ZNF610: variants seen among roughly 807,000 people sequenced by gnomAD.
ZNF610 encodes zink finger protein.
Under a neutral mutation model 14.1 loss-of-function variants are expected in ZNF610, and 14 were observed. The observed-to-expected ratio is 0.99, with a 90% CI of 0.65 to 1.55. The LOEUF is 1.55. Among genes scored for constraint, ZNF610 ranks in the 40% most tolerant of loss-of-function variants. ZNF610 has a pLI of 0.00. For synonymous variants in ZNF610, 185 were observed against 187.6 expected (o/e 0.99, Z 0.11); for missense variants, 530 against 558.0 (o/e 0.95, Z 0.51).
chr19:52,346,364 C>T lies in ZNF610; in HGVS notation c.-257-1343C>T, dbSNP rs1175590679. Among the ~76,000 whole-genome samples, 4 of 146,892 alleles carry T rather than the reference C, an allele frequency of 2.7e-5. No homozygotes were observed. In the East Asian group the frequency reaches 5.8e-4, roughly 21 times the overall value. On this transcript the variant is annotated intron_variant, in intron 1 of 5. Coordinates refer to ENST00000403906, the MANE Select transcript of ZNF610 (RefSeq NM_001161425.2). ...ATTTTTAGTAGAGACGGGGTTTCAC[C>T]ATGTTGGTCAGTCTGGTGTCGAACT...
chr19:52,360,930 T>C (rs553416997), intron 5 of ZNF610, among the ~76,000 whole-genome samples: 1 of 152,220 alleles, frequency 6.6e-6, no homozygotes, highest in Admixed American at 6.5e-5. Context: ...AGAGAGGGAG[T>C]GTTTTGTCCA....
chr19:52,362,343 G>A (rs1401767194), intron 5 of ZNF610, among the ~76,000 whole-genome samples: 7 of 152,204 alleles, frequency 4.6e-5, no homozygotes, highest in Non-Finnish European at 8.8e-5. Flanking sequence ...CCTGGGAGGC[G>A]GAGGTTGCAG....
At chr19:52,339,747 C>T (rs1049230457) in intron 1 of ZNF610, among the ~76,000 whole-genome samples, 8 of 152,162 alleles carry the variant, frequency 5.3e-5, no homozygotes, top group African/African-American at 1.7e-4. Flanking sequence ...ACAACCATTG[C>T]CTCCTGGGTT....
In ZNF610 at chr19:52,337,308, C is replaced by T. The variant is rs141718206; in HGVS notation, c.-258+802C>T. On this transcript the variant is annotated intron_variant, in intron 1 of 5. Coordinates refer to ENST00000403906, the MANE Select transcript of ZNF610 (RefSeq NM_001161425.2). Reference sequence around the variant, plus strand: ...CCACAGCATGGGGAGGCCTGGGATCCGGGGGGGCCAGAGAGTGGGGACAAG... The same window carrying T: ...CCACAGCATGGGGAGGCCTGGGATCTGGGGGGGCCAGAGAGTGGGGACAAG... Among the ~76,000 whole-genome samples, 8 of 149,438 alleles carry T rather than the reference C, an allele frequency of 5.4e-5. No individual in the cohort carries two copies. The East Asian group carries it at 1.6e-3, about 29-fold the overall frequency.
At chr19:52,352,177 A>T (rs911633919) in intron 3 of ZNF610, among the ~76,000 whole-genome samples, 1 of 152,054 alleles carries the variant, frequency 6.6e-6, no homozygotes, top group Admixed American at 6.6e-5. Flanking sequence ...GAGAGGTAGG[A>T]TGTTTCTTGT....
At chr19:52,365,613 T>A in intron 5 of ZNF610, 85 bp from the exon 6 acceptor site, 1 of 1,199,474 alleles carries the variant, frequency 8.3e-7, no homozygotes, top group Non-Finnish European at 1.2e-6. Flanking sequence ...GTGTCTGAGT[T>A]GGGTGAGGCT....
At chr19:52,361,887 C>T (rs938563467) in intron 5 of ZNF610, among the ~76,000 whole-genome samples, 2 of 151,908 alleles carry the variant, frequency 1.3e-5, no homozygotes, top group African/African-American at 4.8e-5. Context: ...TTTTATACTT[C>T]ATTGAAGTAT....
In ZNF610 at chr19:52,365,873, A is replaced by G. The variant is rs202139313; in HGVS notation, c.495A>G (p.Gln165=). Residue 165 remains glutamine (Q), a synonymous_variant, in exon 6 of 6, where the codon CAA becomes CAG. Transcript: ENST00000403906. ...TNHRSSVSPL[Q]KISSSFTTHI... ...ATCGTTCCTCAGTTTCACCACTTCAAAAAATTTCTTCTAGTTTCACAACAC... is the reference window on the plus strand; with the variant it reads ...ATCGTTCCTCAGTTTCACCACTTCAGAAAATTTCTTCTAGTTTCACAACAC... 7.4e-6 allele frequency: 12 copies of G among 1,613,274 alleles called. No homozygotes were observed. Among genetic ancestry groups the G allele is most frequent in the Admixed American group, 1.7e-5 (1 of 59,846 alleles).
At position 52,347,746 on chromosome 19, in the gene ZNF610, A is replaced by G. The variant is rs554633170; in HGVS notation, c.-218A>G. ...CCATGTTGTCCAAACTGGTCTCGAA[A>G]TTCTGGAGTCAAGCAGTCTGCCTGC... On this transcript the variant is annotated 5_prime_UTR_variant, in exon 2 of 6. Transcript: ENST00000403906. 2.0e-5 allele frequency: 3 copies of G among 152,238 alleles called. No homozygotes were observed. The highest frequency in any genetic ancestry group is 3.9e-4 in the East Asian group (2 of 5,176). 9.4% of individuals were successfully genotyped at this position (152,238 alleles called of 1,614,324 possible). A position where few individuals can be genotyped will look rare whatever the true frequency, so the allele number is the denominator to read the frequency against.
chr19:52,349,256 G>T, intron 3 of ZNF610, 21 bp downstream of exon 3: 1 of 1,608,060 alleles, frequency 6.2e-7, no homozygotes, highest in South Asian at 1.1e-5. Context: ...ATTCTCGGTG[G>T]TTGGTTCTCT....
upstream of ZNF610, among the ~76,000 whole-genome samples, chr19:52,333,315 T>A (rs754899343): frequency 6.6e-6 from 1 of 152,106 alleles, no homozygotes; most frequent in African/African-American, 2.4e-5. Context: ...GCAGAAAAGC[T>A]CCCGGTAACC....
intron 2 of ZNF610, 91 bp from the exon 3 acceptor site, chr19:52,349,063 C>A: frequency 1.2e-6 from 1 of 858,390 alleles, no homozygotes; most frequent in Non-Finnish European, 1.9e-6. Flanking sequence ...CATCTTTCCG[C>A]AGGATTAGGT....
intron 1 of ZNF610, among the ~76,000 whole-genome samples, chr19:52,337,796 G>C (rs1211489058): frequency 6.6e-6 from 1 of 152,202 alleles, no homozygotes; most frequent in African/African-American, 2.4e-5. Context: ...GACTTGCAAA[G>C]TTCCTGCCTA....
chr19:52,353,838 A>T, intron 4 of ZNF610, 30 bp downstream of exon 4: 2 of 1,586,068 alleles, frequency 1.3e-6, no homozygotes, highest in Non-Finnish European at 1.7e-6. Flanking sequence ...AGAAGCCGGG[A>T]TCTGCTCTAA....
intron 1 of ZNF610, among the ~76,000 whole-genome samples, chr19:52,340,337 C>T (rs550200102): frequency 2.0e-5 from 3 of 152,136 alleles, no homozygotes; most frequent in Non-Finnish European, 2.9e-5. Flanking sequence ...GAGCTAAGAC[C>T]GCGCCACTGC....
chr19:52,330,364 G>A, the ZNF610 span: 1 of 152,040 alleles, frequency 6.6e-6, no homozygotes, highest in Non-Finnish European at 1.5e-5. Context: ...GGTGGGCTCA[G>A]TGTGAAGGTT....
chr19:52,366,872 T>C lies in ZNF610; in HGVS notation c.*105T>C. The C allele has an allele frequency of 4.6e-6, 4 of 870,248 alleles. No homozygotes were observed. Among genetic ancestry groups the C allele is most frequent in the Non-Finnish European group, 5.2e-6 (3 of 572,322 alleles). The allele number at this position is 870,248 out of a possible 1,614,324, so 53.9% of individuals were successfully genotyped here. ...AATGTGGCAAAGAATTTAGTTTGCA[T>C]TGAAGCCTCATCACTCATCTCTTGA... On this transcript the variant is annotated 3_prime_UTR_variant, in exon 6 of 6. Transcript: ENST00000403906.
At chr19:52,342,349 C>T (rs1202667700) in intron 1 of ZNF610, among the ~76,000 whole-genome samples, 1 of 152,082 alleles carries the variant, frequency 6.6e-6, no homozygotes, top group Non-Finnish European at 1.5e-5. Context: ...CTCTTCTGTG[C>T]TCCCAAATCT....
upstream of ZNF610, among the ~76,000 whole-genome samples, chr19:52,333,698 T>C (rs184608881): frequency 6.6e-6 from 1 of 152,348 alleles, no homozygotes; most frequent in East Asian, 1.9e-4. Context: ...GCTAGGCATG[T>C]AAAACCACAC....
Sources: gnomAD v4.1 joint callset for allele counts (sites outside exome capture counted in the v4.1 genomes callset) on GRCh38, gnomAD v4.1.1 for gene constraint, MANE v1.5 for transcripts, NCBI Gene and HGNC (gene_info 2026-07-23, HGNC 2026-07-21) for gene names.